The following ASTN1 variants were observed in gnomAD, a reference collection of about 807,000 sequenced individuals.
The protein encoded by ASTN1 is astrotactin-1.
Under a neutral mutation model 140.7 loss-of-function variants are expected in ASTN1, and 41 were observed. The ratio of observed to expected loss-of-function variants is 0.29; its 90% CI spans 0.23 to 0.38. The LOEUF (loss-of-function observed/expected upper bound fraction) is 0.38, where lower values mean the gene tolerates loss of function less well. Ranked by LOEUF, ASTN1 falls within the 10% of genes least tolerant of loss-of-function variation. The pLI, the probability that ASTN1 is intolerant of heterozygous loss-of-function variation, is 1.00. For synonymous variants in ASTN1, 640 were observed against 652.2 expected, an observed-to-expected ratio of 0.98 and a Z score of 0.29; for missense variants, 1,479 against 1,678.8, an observed-to-expected ratio of 0.88 and a Z score of 2.08.
intron 16 of ASTN1, among the ~76,000 whole-genome samples, chr1:176,923,809 G>A (rs1384007922): frequency 1.3e-5 from 2 of 152,180 alleles, no homozygotes; most frequent in Admixed American, 6.5e-5. Flanking sequence ...TATTGCTTAG[G>A]ACATGAAGTA....
At chr1:176,939,805 A>AGAAG (rs33944361) in intron 14 of ASTN1, among the ~76,000 whole-genome samples, 26 of 143,536 alleles carry the variant, frequency 1.8e-4, no homozygotes, top group Admixed American at 5.5e-4. Context: ...AGAATGAGGA[A>AGAAG]GAAGGAAGGA....
Position 176,862,555 on chromosome 1 carries a change from GA to G in ASTN1, c.*1728del. ...GGACAGTTGTGTGCCAGATGATACT[GA>G]AAACAGAACTGGGTATCCCAGAGTA... On this transcript the variant is annotated 3_prime_UTR_variant, in exon 23 of 23. Coordinates refer to ENST00000361833, the MANE Select transcript of ASTN1 (RefSeq NM_004319.3). 2.0e-6 allele frequency: 2 copies of G among 985,458 alleles called. No individual in the cohort carries two copies. The highest frequency in any genetic ancestry group is 2.4e-6 in the Non-Finnish European group (2 of 829,964). 61.0% of individuals were successfully genotyped at this position (985,458 alleles called of 1,614,324 possible).
intron 1 of ASTN1, among the ~76,000 whole-genome samples, chr1:177,070,187 T>A (rs910836131): frequency 7.2e-5 from 11 of 152,198 alleles, no homozygotes; most frequent in Admixed American, 1.3e-4. Context: ...TCTCCTGCAG[T>A]GATGTGTTGG....
chr1:176,902,824 C>A (rs1327699040), intron 16 of ASTN1, among the ~76,000 whole-genome samples: 1 of 152,208 alleles, frequency 6.6e-6, no homozygotes, highest in East Asian at 1.9e-4. Flanking sequence ...ACAAATTGCT[C>A]AGCGAGGCAG....
chr1:176,995,792 T>C (rs1331675086), intron 8 of ASTN1, among the ~76,000 whole-genome samples: 1 of 152,080 alleles, frequency 6.6e-6, no homozygotes, highest in Non-Finnish European at 1.5e-5. Flanking sequence ...GACTTGGGGA[T>C]AAATCAGGGG....
At chr1:176,882,838 A>T (rs776340954) in intron 20 of ASTN1, 21 bp downstream of exon 20, 2 of 1,613,908 alleles carry the variant, frequency 1.2e-6, no homozygotes, top group East Asian at 4.5e-5. Context: ...AGAAGTCACT[A>T]GGTAGGTGTG....
intron 19 of ASTN1, 38 bp from the exon 20 acceptor site, chr1:176,883,032 C>T: frequency 6.2e-7 from 1 of 1,612,088 alleles, no homozygotes; most frequent in Non-Finnish European, 8.5e-7. Flanking sequence ...GCATGAGAAA[C>T]AATGACGGCC....
Position 176,884,496 on chromosome 1 carries a change from T to C in ASTN1, c.3075-6A>G, listed in dbSNP as rs1210803090. On this transcript the variant is annotated splice_polypyrimidine_tract_variant and splice_region_variant and intron_variant, in intron 18 of 22. Transcript: ENST00000361833. ...GAACCGTGGAGAGTCTCAGCCTGTG[T>C]GCAGACAGGAAGGAACATGAAACAG... is the stretch of plus-strand genomic sequence containing the variant. The C allele has an allele frequency of 6.2e-7, 1 of 1,601,206 alleles. No individual in the cohort carries two copies. The highest frequency in any genetic ancestry group is 8.5e-7 in the Non-Finnish European group (1 of 1,169,684).
intron 16 of ASTN1, among the ~76,000 whole-genome samples, chr1:176,904,173 C>G (rs1034203849): frequency 1.3e-5 from 2 of 152,210 alleles, no homozygotes; most frequent in South Asian, 4.1e-4. Flanking sequence ...CATTGTGGCA[C>G]TGGCGGGAGA....
At chr1:176,996,776 C>CTT (rs1674473706) in intron 8 of ASTN1, among the ~76,000 whole-genome samples, 1 of 152,132 alleles carries the variant, frequency 6.6e-6, no homozygotes, top group Non-Finnish European at 1.5e-5. Context: ...AGAGGGCATC[C>CTT]TGCCACGCTA....
At chr1:177,023,045 T>C (rs1450080390) in intron 7 of ASTN1, among the ~76,000 whole-genome samples, 1 of 152,218 alleles carries the variant, frequency 6.6e-6, no homozygotes, top group Non-Finnish European at 1.5e-5. Context: ...CTATAAACTT[T>C]TCTAATTTTT....
At chr1:177,147,040 TA>T (rs575884364) in intron 1 of ASTN1, among the ~76,000 whole-genome samples, 248 of 151,212 alleles carry the variant, frequency 1.6e-3, no homozygotes, top group African/African-American at 5.1e-3. Flanking sequence ...TGGATTTTTT[TA>T]AAAAAAAACA....
intron 8 of ASTN1, among the ~76,000 whole-genome samples, chr1:177,000,493 A>C (rs1420430396): frequency 6.6e-6 from 1 of 152,172 alleles, no homozygotes; most frequent in Admixed American, 6.5e-5. Context: ...GCCAGCAGAG[A>C]CATCATCCTA....
intron 8 of ASTN1, 40 bp downstream of exon 8, chr1:177,014,751 G>C (rs545165950): frequency 3.2e-6 from 5 of 1,545,912 alleles, no homozygotes; most frequent in Non-Finnish European, 4.5e-6. Flanking sequence ...AAGGAGCAGT[G>C]ATATGTGGGA....
At chr1:177,087,804 C>T (rs1341758820) in intron 1 of ASTN1, among the ~76,000 whole-genome samples, 1 of 152,186 alleles carries the variant, frequency 6.6e-6, no homozygotes. Flanking sequence ...CTGGTAATTA[C>T]ATTTTGCCTT....
chr1:176,866,257 A>G (rs1343680060), intron 22 of ASTN1, among the ~76,000 whole-genome samples: 2 of 152,200 alleles, frequency 1.3e-5, no homozygotes, highest in African/African-American at 4.8e-5. Context: ...CAGCAAAGTC[A>G]AGGGCTAAGA....
chr1:177,150,709 T>C (rs192999448), intron 1 of ASTN1, among the ~76,000 whole-genome samples: 4 of 152,158 alleles, frequency 2.6e-5, no homozygotes, highest in Admixed American at 2.6e-4. Context: ...TAAAATGGAG[T>C]TATGAAGGCG....
At chr1:177,125,613 T>C (rs963212220) in intron 1 of ASTN1, among the ~76,000 whole-genome samples, 1 of 152,202 alleles carries the variant, frequency 6.6e-6, no homozygotes, top group African/African-American at 2.4e-5. Context: ...AATAGGTATA[T>C]AAAACACTGT....
intron 1 of ASTN1, among the ~76,000 whole-genome samples, chr1:177,066,704 T>C (rs1357580543): frequency 3.9e-5 from 6 of 152,208 alleles, no homozygotes; most frequent in Non-Finnish European, 8.8e-5. Flanking sequence ...AGCTCCATGA[T>C]GCCCTCTTTC....
Sources: gnomAD v4.1 joint callset for allele counts (sites outside exome capture counted in the v4.1 genomes callset) on GRCh38, gnomAD v4.1.1 for gene constraint, MANE v1.5 for transcripts, NCBI Gene and HGNC (gene_info 2026-07-23, HGNC 2026-07-21) for gene names.